Variants in PRMT2 observed in about 807,000 individuals in gnomAD.
PRMT2 encodes protein arginine N-methyltransferase 2.
Under a neutral mutation model 57.6 loss-of-function variants are expected in PRMT2, and 26 were observed. The observed-to-expected ratio is 0.45, with a 90% CI of 0.33 to 0.63. The LOEUF is 0.63. PRMT2 is among the 20% of genes least tolerant of loss of function. The pLI, the probability that PRMT2 is intolerant of heterozygous loss-of-function variation, is 0.02. For synonymous variants in PRMT2, 219 were observed against 220.0 expected (o/e 1.00, Z 0.04); for missense variants, 472 against 564.4 (o/e 0.84, Z 1.66).
Position 46,649,688 on chromosome 21 carries a change from G to T in PRMT2, c.603G>T (p.Leu201=). ...AGCAGAAGGTGGAGGATGTGGTGCT[G>T]CCCGAGAAGGTGGACGTGCTGGTGT... ...VYQQKVEDVV[L]PEKVDVLVSE... is the part of the protein sequence containing the mutation. The change falls in exon 7 of 12, where the codon CTG becomes CTT. Residue 201 remains leucine (L), a synonymous_variant. Coordinates refer to ENST00000355680, the MANE Select transcript of PRMT2 (RefSeq NM_206962.4). The surrounding 1 kb of genome is among the most constrained non-coding windows in gnomAD (Gnocchi z 4.8). The T allele has an allele frequency of 1.9e-6, 3 of 1,613,990 alleles. No homozygotes were observed. Among genetic ancestry groups the T allele is most frequent in the Non-Finnish European group, 2.5e-6 (3 of 1,180,012 alleles).
intron 3 of PRMT2, among the ~76,000 whole-genome samples, chr21:46,638,074 T>C (rs778726651): frequency 8.5e-5 from 13 of 152,252 alleles, no homozygotes; most frequent in African/African-American, 1.9e-4. Context: ...GAGTCTGTTT[T>C]GTGCCACTGC....
Position 46,661,486 on chromosome 21 carries a change from AGTTC to A in PRMT2, c.961-309_961-306del, listed in dbSNP as rs1339455312. The A allele has an allele frequency of 1.2e-4, 25 of 208,518 alleles. No individual in the cohort carries two copies. In the Admixed American group the frequency reaches 1.4e-3, roughly 11 times the overall value. 12.9% of individuals were successfully genotyped at this position (208,518 alleles called of 1,614,324 possible). Reference sequence around the variant, plus strand: ...GTGGCGCCGGCGCGCTTTGGTTTTTAGTTCGTTCTGCTGTGGAAAGGCCCAGCCT... The same window carrying A: ...GTGGCGCCGGCGCGCTTTGGTTTTTAGTTCTGCTGTGGAAAGGCCCAGCCT... On this transcript the variant is annotated intron_variant, in intron 9 of 11. Transcript: ENST00000355680.
chr21:46,659,280 G>A (rs952283907), intron 8 of PRMT2: 13 of 1,019,878 alleles, frequency 1.3e-5, no homozygotes, highest in Non-Finnish European at 1.5e-5. Context: ...CAGCGTCAGC[G>A]ACAGACATCC....
At chr21:46,636,819 C>T (rs1569146500) in intron 2 of PRMT2, 77 bp from the exon 3 acceptor site, 3 of 773,084 alleles carry the variant, frequency 3.9e-6, no homozygotes, top group Non-Finnish European at 2.0e-6. Flanking sequence ...GGACATCATG[C>T]ACATTAGAAG....
chr21:46,640,592 C>G (rs1481659847), intron 3 of PRMT2, among the ~76,000 whole-genome samples: 1 of 151,978 alleles, frequency 6.6e-6, no homozygotes, highest in East Asian at 1.9e-4. Flanking sequence ...CAGGTGACCA[C>G]CACCACGCCC....
chr21:46,658,711 A>T (rs755356102), intron 7 of PRMT2, 34 bp from the exon 8 acceptor site: 2 of 1,607,546 alleles, frequency 1.2e-6, no homozygotes, highest in Admixed American at 3.3e-5. Context: ...GGGGCCTGTG[A>T]TGTGTCTCCT....
At chr21:46,642,065 A>G (rs571709437) in intron 3 of PRMT2, among the ~76,000 whole-genome samples, 3 of 152,322 alleles carry the variant, frequency 2.0e-5, no homozygotes, top group African/African-American at 7.2e-5. Flanking sequence ...ATTGGTATCT[A>G]TTGAGTGAGA....
chr21:46,652,853 G>T, intron 7 of PRMT2: 1 of 1,294,838 alleles, frequency 7.7e-7, no homozygotes, highest in South Asian at 1.3e-5. Flanking sequence ...AGTTGTTACA[G>T]GATCTTGCTT....
intron 8 of PRMT2, chr21:46,659,626 A>G (rs1319446100): frequency 1.0e-6 from 1 of 985,182 alleles, no homozygotes; most frequent in Non-Finnish European, 1.2e-6. Context: ...AGACAAGCAA[A>G]GAGTAAATTA....
At chr21:46,661,115 C>A (rs906640496) in intron 9 of PRMT2, 153 bp downstream of exon 9, 2 of 753,786 alleles carry the variant, frequency 2.7e-6, no homozygotes, top group Non-Finnish European at 3.9e-6. Context: ...ATTTATAAAA[C>A]GTTTGCTACT....
intron 7 of PRMT2, among the ~76,000 whole-genome samples, chr21:46,651,497 G>A (rs2061450382): frequency 6.6e-6 from 1 of 152,106 alleles, no homozygotes; most frequent in Non-Finnish European, 1.5e-5. Context: ...AGGACATTTG[G>A]AGGAGTGCTG....
chr21:46,658,465 C>G (rs1036968350), intron 7 of PRMT2: 6 of 370,038 alleles, frequency 1.6e-5, no homozygotes. Context: ...TGAGATGGGA[C>G]AAGAGTGAAG....
chr21:46,654,328 A>T (rs956768241), intron 7 of PRMT2, among the ~76,000 whole-genome samples: 6 of 152,220 alleles, frequency 3.9e-5, no homozygotes, highest in East Asian at 1.9e-4. Flanking sequence ...GCTAGTTTTT[A>T]AAAAAAGTAC....
At chr21:46,653,996 T>C in intron 7 of PRMT2, 3 of 998,838 alleles carry the variant, frequency 3.0e-6, no homozygotes, top group Non-Finnish European at 3.6e-6. Context: ...AAATGCAGCA[T>C]AGTTAATCAG....
At chr21:46,663,939 A>G (rs149520727) in intron 11 of PRMT2, among the ~76,000 whole-genome samples, 1,625 of 152,202 alleles carry the variant, frequency 0.011, 12 homozygotes, top group Middle Eastern at 0.034. Flanking sequence ...CAGTTAGTCT[A>G]GGCGTGTCGT....
At position 46,643,532 on chromosome 21, in the gene PRMT2, C is replaced by G; in HGVS notation, c.40-3C>G. 6.4e-7 allele frequency: 1 copy of G among 1,555,034 alleles called. No homozygotes were observed. On this transcript the variant is annotated splice_polypyrimidine_tract_variant and splice_region_variant and intron_variant, in intron 3 of 11. Transcript: ENST00000355680. ...TCCTCACGCTTTCCTTGGCTTTGAG[C>G]AGGGAGAAGAGCCTGCTGAGTGCAG...
chr21:46,636,338 T>A (rs1381065290), intron 1 of PRMT2, 101 bp from the exon 2 acceptor site: 1 of 152,364 alleles, frequency 6.6e-6, no homozygotes. Context: ...CATTTGTAAC[T>A]ACGAATATCA....
At chr21:46,660,328 C>G (rs1210266845) in intron 8 of PRMT2, among the ~76,000 whole-genome samples, 3 of 152,228 alleles carry the variant, frequency 2.0e-5, no homozygotes, top group East Asian at 1.9e-4. Context: ...TCTCCTGAAA[C>G]TCAGACTCAC....
chr21:46,636,839 C>A, intron 2 of PRMT2, 57 bp from the exon 3 acceptor site: 1 of 1,028,924 alleles, frequency 9.7e-7, no homozygotes, highest in Non-Finnish European at 1.4e-6. Context: ...GTTAAGTGAA[C>A]TCAATTATTA....
Sources: gnomAD v4.1 joint callset for allele counts (sites outside exome capture counted in the v4.1 genomes callset) on GRCh38, gnomAD v4.1.1 for gene constraint, Gnocchi (gnomAD v3.1) non-coding constraint, MANE v1.5 for transcripts, NCBI Gene and HGNC (gene_info 2026-07-23, HGNC 2026-07-21) for gene names.